Variants in ECE1 observed in about 807,000 individuals in gnomAD.
ECE1 encodes endothelin-converting enzyme 1.
A neutral mutation model predicts 98.6 loss-of-function variants in ECE1; 35 were observed. That is an observed-to-expected ratio of 0.35 (90% CI 0.27 to 0.47). The LOEUF is 0.47. Among genes scored for constraint, ECE1 ranks in the 20% least tolerant of loss-of-function variants. The pLI, the probability that ECE1 is intolerant of heterozygous loss-of-function variation, is 1.00. For missense variants in ECE1, 814 were observed against 1,025.3 expected (o/e 0.79, Z 2.81); for synonymous variants, 394 against 407.1 (o/e 0.97, Z 0.39).
At chr1:21,257,840 C>CT (rs936917814) in intron 6 of ECE1, among the ~76,000 whole-genome samples, 3 of 152,238 alleles carry the variant, frequency 2.0e-5, no homozygotes, top group Non-Finnish European at 4.4e-5. Context: ...AGCCACCCTC[C>CT]TTTTTAAACA....
intron 1 of ECE1, among the ~76,000 whole-genome samples, chr1:21,337,632 C>T (rs1639327199): frequency 6.6e-6 from 1 of 152,192 alleles, no homozygotes; most frequent in Admixed American, 6.5e-5. Context: ...ATGACAATAA[C>T]AGCAGGTGAC....
rs2098173455 is a variant in ECE1 at position 21,225,792 on chromosome 1, A to T, written c.1850-352T>A. Among the ~76,000 whole-genome samples, 1 of 151,076 alleles carries T rather than the reference A, an allele frequency of 6.6e-6. No individual in the cohort carries two copies. Among genetic ancestry groups the T allele is most frequent in the African/African-American group, 2.4e-5 (1 of 41,048 alleles). On this transcript the variant is annotated intron_variant, in intron 16 of 18. Transcript: ENST00000374893. This position sits in a 1 kb window ranked among gnomAD's most constrained non-coding sequence, Gnocchi z 5.3. ...CTGCAACCTTTGCCTCCTGGGTTCAAGGAATTCTTGTGCTCAGCCTCTGGA... is the reference window on the plus strand; with the variant it reads ...CTGCAACCTTTGCCTCCTGGGTTCATGGAATTCTTGTGCTCAGCCTCTGGA...
chr1:21,258,926 T>C lies in ECE1; in HGVS notation c.616-87A>G, dbSNP rs2098223384. On this transcript the variant is annotated intron_variant, in intron 5 of 18. Coordinates refer to ENST00000374893, the MANE Select transcript of ECE1 (RefSeq NM_001397.3). This position sits in a 1 kb window ranked among gnomAD's most constrained non-coding sequence, Gnocchi z 4.2. ...CTGGTTCTGCCGCTGACTTGCTCTG[T>C]GACCCTGGAGCAGTCGCCTGACCTC... 3 of 1,563,190 alleles carry C rather than the reference T, an allele frequency of 1.9e-6. No homozygotes were observed. The highest frequency in any genetic ancestry group is 8.7e-7 in the Non-Finnish European group (1 of 1,148,122).
At chr1:21,238,997 A>AT (rs2098192061) in intron 10 of ECE1, among the ~76,000 whole-genome samples, 4 of 150,772 alleles carry the variant, frequency 2.7e-5, no homozygotes, top group Non-Finnish European at 4.4e-5. Flanking sequence ...TCTATTTAAA[A>AT]ATTTTTTTTT....
chr1:21,255,090 C>T (rs891947337), intron 8 of ECE1, among the ~76,000 whole-genome samples: 4 of 152,228 alleles, frequency 2.6e-5, no homozygotes, highest in Non-Finnish European at 4.4e-5. Flanking sequence ...CCATATACAC[C>T]TGTCAGCTGG....
intron 1 of ECE1, among the ~76,000 whole-genome samples, chr1:21,304,037 C>T (rs111243192): frequency 0.05 from 7,578 of 150,122 alleles, 672 homozygotes; most frequent in African/African-American, 0.17. Flanking sequence ...AAAAAAGGGC[C>T]GGGCGCAGTG....
chr1:21,258,608 CTCTCCCA>C lies in ECE1; in HGVS notation c.762+78_762+84del. On this transcript the variant is annotated intron_variant, in intron 6 of 18. Transcript: ENST00000374893. The surrounding 1 kb of genome is among the most constrained non-coding windows in gnomAD (Gnocchi z 4.2). ...CCGCCGTCCCACCCAGGGCAAGCCC[CTCTCCCA>C]CCCCAGGTCCTGCTAAACTCAAAAC... 6.7e-7 allele frequency: 1 copy of C among 1,500,972 alleles called. No individual in the cohort carries two copies. The highest frequency in any genetic ancestry group is 9.1e-7 in the Non-Finnish European group (1 of 1,096,218). The allele number at this position is 1,500,972 out of a possible 1,614,324, so 93.0% of individuals were successfully genotyped here. A position where few individuals can be genotyped will look rare whatever the true frequency, so the allele number is the denominator to read the frequency against.
At chr1:21,309,877 C>T (rs1214628615) in intron 1 of ECE1, among the ~76,000 whole-genome samples, 27 of 151,506 alleles carry the variant, frequency 1.8e-4, no homozygotes, top group African/African-American at 6.3e-4. Flanking sequence ...CTGCAAGCTC[C>T]GCCTCCCGGG....
intron 4 of ECE1, among the ~76,000 whole-genome samples, chr1:21,262,298 A>G (rs781282200): frequency 3.9e-5 from 6 of 152,188 alleles, no homozygotes; most frequent in Non-Finnish European, 8.8e-5. Flanking sequence ...CATGTCCCCC[A>G]GGCACCACGG....
At chr1:21,276,189 C>T (rs1298536384) in intron 3 of ECE1, among the ~76,000 whole-genome samples, 1 of 151,994 alleles carries the variant, frequency 6.6e-6, no homozygotes, top group African/African-American at 2.4e-5. Flanking sequence ...CCACGCCTGG[C>T]TAATTTTTGT....
intron 1 of ECE1, among the ~76,000 whole-genome samples, chr1:21,316,594 C>T (rs570044527): frequency 6.6e-6 from 1 of 152,064 alleles, no homozygotes; most frequent in East Asian, 1.9e-4. Context: ...TCTTAACATA[C>T]ATAACACACA....
chr1:21,267,931 G>C (rs574950005), intron 4 of ECE1, among the ~76,000 whole-genome samples: 3 of 152,200 alleles, frequency 2.0e-5, no homozygotes, highest in African/African-American at 7.2e-5. Context: ...TTGGAATATT[G>C]TATGTCTATC....
intron 8 of ECE1, among the ~76,000 whole-genome samples, chr1:21,250,093 T>C (rs1043776327): frequency 7.2e-5 from 11 of 152,082 alleles, no homozygotes; most frequent in African/African-American, 2.2e-4. Context: ...AGATTTCATC[T>C]TGCAAATGTG....
intron 7 of ECE1, 103 bp downstream of exon 7, chr1:21,257,417 ACACCC>A: frequency 1.6e-6 from 2 of 1,259,148 alleles, no homozygotes; most frequent in Non-Finnish European, 1.1e-6. Flanking sequence ...CAGGTCACTG[ACACCC>A]CTGGGCTCCC....
At chr1:21,314,123 C>T (rs948775586) in intron 1 of ECE1, among the ~76,000 whole-genome samples, 5 of 152,212 alleles carry the variant, frequency 3.3e-5, no homozygotes, top group Admixed American at 6.5e-5. Flanking sequence ...AGCAACCCCA[C>T]GTGAAAGATG....
intron 1 of ECE1, among the ~76,000 whole-genome samples, chr1:21,334,531 C>T (rs943371078): frequency 6.6e-6 from 1 of 152,242 alleles, no homozygotes; most frequent in African/African-American, 2.4e-5. Context: ...TTCCTATGCC[C>T]TCACTTCTCG....
chr1:21,332,368 T>TA (rs1427455923), intron 1 of ECE1, among the ~76,000 whole-genome samples: 2 of 151,882 alleles, frequency 1.3e-5, no homozygotes, highest in African/African-American at 4.8e-5. Flanking sequence ...ATTAGGCACT[T>TA]AGTGTACTGC....
At position 21,272,748 on chromosome 1, in the gene ECE1, G is replaced by A; in HGVS notation, c.444C>T (p.Thr148=). The change falls in exon 4 of 19, where the codon ACC becomes ACT. Residue 148 remains threonine, a synonymous_variant. Transcript: ENST00000374893. ...GGTTGTGTTCCCAGAGGTTGCTGAA[G>A]GTCCCCCAGCGTGAGTGGCCATCAG... is the stretch of plus-strand genomic sequence containing the variant. The part of the protein sequence containing the change: ...PVPDGHSRWG[T]FSNLWEHNQA... 1 of 1,614,270 alleles carries A rather than the reference G, an allele frequency of 6.2e-7. No homozygotes were observed. Among genetic ancestry groups the A allele is most frequent in the Non-Finnish European group, 8.5e-7 (1 of 1,180,046 alleles).
In ECE1 at chr1:21,340,100, G is replaced by GAT. The variant is rs756577596; in HGVS notation, c.3+5274_3+5275dup. 6.6e-6 allele frequency among the ~76,000 whole-genome samples: 1 copy of GAT among 152,246 alleles called. No homozygotes were observed. The highest frequency in any genetic ancestry group is 2.4e-5 in the African/African-American group (1 of 41,458). ...ACACCTCTTCTGGGAAGGCTTCCCT[G>GAT]ATACACACCTATGGGCAGGATGACT... On this transcript the variant is annotated intron_variant, in intron 1 of 18. Coordinates refer to the ECE1 transcript ENST00000415912. The surrounding 1 kb of genome is among the most constrained non-coding windows in gnomAD (Gnocchi z 4.6).
Sources: allele counts gnomAD v4.1 joint callset (sites outside exome capture counted in the v4.1 genomes callset), GRCh38; gene constraint gnomAD v4.1.1; non-coding constraint Gnocchi (gnomAD v3.1); transcripts MANE v1.5; gene names NCBI Gene and HGNC (gene_info 2026-07-23, HGNC 2026-07-21).